Variants in PACRG observed in about 807,000 individuals in gnomAD.
PACRG encodes the protein parkin coregulated gene protein.
PACRG carries 29 observed loss-of-function variants against 29.7 expected under a neutral mutation model. The ratio of observed to expected loss-of-function variants is 0.98; its 90% CI spans 0.73 to 1.33. The LOEUF is 1.33. Ranked by LOEUF, PACRG falls within the 40% of genes most tolerant of loss-of-function variation. The probability of loss-of-function intolerance (pLI) is 0.00; values close to 1 mark genes in which losing one functional copy is unlikely to be tolerated. For missense variants in PACRG, 279 were observed against 316.2 expected (o/e 0.88, Z 0.89); for synonymous variants, 116 against 118.7 (o/e 0.98, Z 0.15).
Position 162,806,722 on chromosome 6 carries a change from C to G in PACRG, c.157-7425C>G, listed in dbSNP as rs578066294. On this transcript the variant is annotated intron_variant, in intron 1 of 4. Transcript: ENST00000366888. ...AGAGTACAGGAAGCATAGATTTTGCCTCATTATTAAGGGCTCTAGAACTTT... is the reference window on the plus strand; with the variant it reads ...AGAGTACAGGAAGCATAGATTTTGCGTCATTATTAAGGGCTCTAGAACTTT... Among the ~76,000 whole-genome samples the G allele has an allele frequency of 5.3e-5, 8 of 152,208 alleles. No individual in the cohort carries two copies. In the South Asian group the frequency reaches 1.7e-3, roughly 31 times the overall value.
intron 4 of PACRG, among the ~76,000 whole-genome samples, chr6:163,175,395 A>T (rs1169602414): frequency 6.6e-6 from 1 of 151,736 alleles, no homozygotes; most frequent in East Asian, 1.9e-4. Context: ...TGATGCATTC[A>T]TTTGGGGTTG....
chr6:162,743,452 A>G (rs1278499677), intron 1 of PACRG, among the ~76,000 whole-genome samples: 4 of 152,108 alleles, frequency 2.6e-5, no homozygotes, highest in Non-Finnish European at 5.9e-5. Context: ...TACATATATC[A>G]TACTATATTT....
intron 2 of PACRG, among the ~76,000 whole-genome samples, chr6:163,018,045 T>G (rs114809565): frequency 0.012 from 1,888 of 152,216 alleles, 48 homozygotes; most frequent in African/African-American, 0.043. Context: ...GTGTGTGTGT[T>G]TATTTTTATC....
At chr6:162,982,303 T>A (rs1009648065) in intron 2 of PACRG, among the ~76,000 whole-genome samples, 13 of 152,198 alleles carry the variant, frequency 8.5e-5, no homozygotes, top group African/African-American at 3.1e-4. Flanking sequence ...TTTCATGTAG[T>A]TCTGCTGTGA....
At chr6:162,868,785 A>G (rs555982006) in intron 2 of PACRG, among the ~76,000 whole-genome samples, 2 of 152,222 alleles carry the variant, frequency 1.3e-5, no homozygotes, top group South Asian at 4.1e-4. Context: ...ATTGTTTGGG[A>G]TTGTTACACA....
intron 4 of PACRG, among the ~76,000 whole-genome samples, chr6:163,157,940 C>G (rs896868259): frequency 2.0e-5 from 3 of 152,208 alleles, no homozygotes; most frequent in African/African-American, 7.2e-5. Flanking sequence ...ACAGGCTTAA[C>G]TCTTGACTTT....
chr6:162,928,364 CCTTTTTCATTTCT>C (rs1797604598), intron 2 of PACRG, among the ~76,000 whole-genome samples: 1 of 151,622 alleles, frequency 6.6e-6, no homozygotes, highest in Admixed American at 6.6e-5. Flanking sequence ...TGTTATGTCT[CCTTTTTCATTTCT>C]GATTTAAATG....
At chr6:162,789,483 T>G (rs1279560440) in intron 1 of PACRG, among the ~76,000 whole-genome samples, 1 of 152,148 alleles carries the variant, frequency 6.6e-6, no homozygotes, top group Non-Finnish European at 1.5e-5. Context: ...TCAAAGAAGG[T>G]TACTATAAAA....
chr6:163,234,944 A>G (rs1009572640), intron 4 of PACRG, among the ~76,000 whole-genome samples: 1 of 152,172 alleles, frequency 6.6e-6, no homozygotes, highest in Non-Finnish European at 1.5e-5. Context: ...GTGGGGCCAA[A>G]TGTTGGTAAC....
intron 3 of PACRG, among the ~76,000 whole-genome samples, chr6:163,067,324 C>A (rs1811644407): frequency 6.6e-6 from 1 of 152,206 alleles, no homozygotes; most frequent in African/African-American, 2.4e-5. Flanking sequence ...CCAGGCCCCA[C>A]CAAAGAGTCC....
chr6:163,231,666 C>G (rs547255481), intron 4 of PACRG, among the ~76,000 whole-genome samples: 1 of 152,200 alleles, frequency 6.6e-6, no homozygotes. Flanking sequence ...ATGCCTTCCC[C>G]AGGACCAGCA....
chr6:162,995,267 A>G (rs925998213), intron 2 of PACRG, among the ~76,000 whole-genome samples: 4 of 148,142 alleles, frequency 2.7e-5, no homozygotes, highest in Admixed American at 6.7e-5. Context: ...GGTGGGCTCC[A>G]CCCAGTTCGA....
intron 4 of PACRG, among the ~76,000 whole-genome samples, chr6:163,175,710 T>G: frequency 6.8e-6 from 1 of 146,506 alleles, no homozygotes. Context: ...CATCAAGGAG[T>G]GTGAGTCCAG....
At chr6:163,211,846 C>T (rs1014769957) in intron 4 of PACRG, among the ~76,000 whole-genome samples, 9 of 152,118 alleles carry the variant, frequency 5.9e-5, no homozygotes, top group Admixed American at 5.9e-4. Flanking sequence ...TCATTCTCTT[C>T]CTCTTCCTCA....
chr6:163,267,561 A>G (rs978674805), intron 4 of PACRG, among the ~76,000 whole-genome samples: 4 of 152,228 alleles, frequency 2.6e-5, no homozygotes, highest in African/African-American at 9.7e-5. Flanking sequence ...GTTTCTTTGA[A>G]GTATCTACTA....
chr6:162,988,503 AGCTGT>A (rs1803110862), intron 2 of PACRG, among the ~76,000 whole-genome samples: 1 of 152,182 alleles, frequency 6.6e-6, no homozygotes, highest in South Asian at 2.1e-4. Context: ...ACAGCCACAT[AGCTGT>A]TTTGGAAAGG....
intron 2 of PACRG, among the ~76,000 whole-genome samples, chr6:162,971,521 A>G (rs775804910): frequency 1.3e-5 from 2 of 152,180 alleles, no homozygotes; most frequent in African/African-American, 2.4e-5. Context: ...AACAAAAACC[A>G]CTGCAGAGTC....
chr6:162,763,528 A>G (rs910018879), intron 1 of PACRG, among the ~76,000 whole-genome samples: 4 of 152,218 alleles, frequency 2.6e-5, no homozygotes, highest in Non-Finnish European at 5.9e-5. Context: ...CCCTTTTTGA[A>G]TATTACCTTA....
At chr6:162,935,356 C>T (rs1446153888) in intron 2 of PACRG, among the ~76,000 whole-genome samples, 1 of 150,518 alleles carries the variant, frequency 6.6e-6, no homozygotes, top group African/African-American at 2.4e-5. Flanking sequence ...AGTGATGTCC[C>T]ATGTGTCGGA....
Sources: allele counts gnomAD v4.1 joint callset (sites outside exome capture counted in the v4.1 genomes callset), GRCh38; gene constraint gnomAD v4.1.1; transcripts MANE v1.5; gene names NCBI Gene and HGNC (gene_info 2026-07-23, HGNC 2026-07-21).